Variants in CLSTN2 observed in about 807,000 individuals in gnomAD.
The protein encoded by CLSTN2 is calsyntenin 2, also known as calsyntenin-2.
A neutral mutation model predicts 101.2 loss-of-function variants in CLSTN2; 48 were observed. The observed-to-expected ratio is 0.47, with a 90% CI of 0.38 to 0.60. CLSTN2 has a LOEUF of 0.60. Among genes scored for constraint, CLSTN2 ranks in the 20% least tolerant of loss-of-function variants. The probability of loss-of-function intolerance (pLI) is 0.00; values close to 1 mark genes in which losing one functional copy is unlikely to be tolerated. For missense variants in CLSTN2, 1,160 were observed against 1,238.2 expected, an observed-to-expected ratio of 0.94 and a Z score of 0.95; for synonymous variants, 481 against 463.6, an observed-to-expected ratio of 1.04 and a Z score of -0.48.
At chr3:140,341,906 G>C (rs757211943) in intron 2 of CLSTN2, among the ~76,000 whole-genome samples, 1 of 152,158 alleles carries the variant, frequency 6.6e-6, no homozygotes, top group Non-Finnish European at 1.5e-5. Context: ...GAGTCTGACA[G>C]CAGGTGGTTA....
chr3:140,486,120 A>G (rs1416245670), intron 8 of CLSTN2, among the ~76,000 whole-genome samples: 2 of 152,078 alleles, frequency 1.3e-5, no homozygotes, highest in Non-Finnish European at 2.9e-5. Context: ...AAGAGCACCC[A>G]GAGAAAAAGA....
intron 1 of CLSTN2, among the ~76,000 whole-genome samples, chr3:140,091,212 G>A (rs1223005418): frequency 3.9e-5 from 6 of 152,196 alleles, no homozygotes; most frequent in Admixed American, 1.3e-4. Flanking sequence ...ATAAACATAA[G>A]GTGCCCAACA....
chr3:140,274,683 C>T (rs1047382558), intron 2 of CLSTN2, among the ~76,000 whole-genome samples: 1 of 152,048 alleles, frequency 6.6e-6, no homozygotes, highest in East Asian at 1.9e-4. Context: ...GTGTATCTCT[C>T]TACAAGGAGG....
intron 1 of CLSTN2, among the ~76,000 whole-genome samples, chr3:140,113,856 G>T (rs528478245): frequency 6.6e-6 from 1 of 152,272 alleles, no homozygotes; most frequent in East Asian, 1.9e-4. Context: ...TTGTGTGTGT[G>T]TATATATGTG....
At chr3:140,135,117 C>CACATATATATATAT (rs1488268767) in intron 1 of CLSTN2, among the ~76,000 whole-genome samples, 6 of 58,110 alleles carry the variant, frequency 1.0e-4, no homozygotes, top group African/African-American at 3.4e-4. Flanking sequence ...CACACACACA[C>CACATATATATATAT]ATATATATAT....
In CLSTN2 at chr3:140,195,714, G is replaced by C. The variant is rs530326908; in HGVS notation, c.232+19641G>C. Among the ~76,000 whole-genome samples the C allele has an allele frequency of 2.2e-4, 34 of 152,288 alleles. 1 individual carries two copies. The South Asian group carries it at 6.0e-3, about 27-fold the overall frequency. Reference sequence around the variant, plus strand: ...GCATCATGTAGAAAAAGAGTTTACAGATTAAACAATACTGCTGACTGTATT... The same window carrying C: ...GCATCATGTAGAAAAAGAGTTTACACATTAAACAATACTGCTGACTGTATT... On this transcript the variant is annotated intron_variant, in intron 2 of 16. Coordinates refer to ENST00000458420, the MANE Select transcript of CLSTN2 (RefSeq NM_022131.3).
At chr3:140,461,294 G>T (rs1933557301) in intron 7 of CLSTN2, 1 of 152,164 alleles carries the variant, frequency 6.6e-6, no homozygotes. Flanking sequence ...GTGGAGGTTT[G>T]GGACGCAGTT....
chr3:140,477,461 G>A (rs892641533), intron 8 of CLSTN2, among the ~76,000 whole-genome samples: 5 of 152,114 alleles, frequency 3.3e-5, no homozygotes, highest in African/African-American at 7.2e-5. Context: ...AATAGGAAAC[G>A]TTAACCAGAA....
At position 140,567,447 on chromosome 3, in the gene CLSTN2, G is replaced by A. The variant is rs1282744728; in HGVS notation, c.*1194G>A. On this transcript the variant is annotated 3_prime_UTR_variant, in exon 17 of 17. Transcript: ENST00000458420. ...CTTCTTTCTTCTGCTCATAAAAGGA[G>A]GAACACTTTAGATAGAGGGCAAATA... The A allele has an allele frequency of 6.6e-6, 1 of 152,196 alleles. No individual in the cohort carries two copies. The allele number at this position is 152,196 out of a possible 1,614,324, so 9.4% of individuals were successfully genotyped here.
chr3:140,035,051 C>T (rs903327627), intron 1 of CLSTN2, among the ~76,000 whole-genome samples: 2 of 152,154 alleles, frequency 1.3e-5, no homozygotes, highest in Non-Finnish European at 2.9e-5. Flanking sequence ...CGGGAACCTA[C>T]CTTTACCTAG....
At chr3:139,942,166 T>C (rs1258921640) in intron 1 of CLSTN2, among the ~76,000 whole-genome samples, 1 of 152,174 alleles carries the variant, frequency 6.6e-6, no homozygotes, top group Non-Finnish European at 1.5e-5. Context: ...TGCCTTGCTG[T>C]CCAAGAATAT....
intron 1 of CLSTN2, among the ~76,000 whole-genome samples, chr3:140,144,995 G>A (rs987921335): frequency 1.1e-4 from 17 of 152,120 alleles, no homozygotes; most frequent in African/African-American, 3.4e-4. Context: ...CTATCCTCAC[G>A]CCCCTGTGGG....
chr3:139,988,171 G>C (rs1036191490), intron 1 of CLSTN2, among the ~76,000 whole-genome samples: 4 of 152,194 alleles, frequency 2.6e-5, no homozygotes, highest in Admixed American at 6.5e-5. Context: ...ATAGCCTTGT[G>C]TTTCCCCTTT....
At chr3:140,474,024 T>C (rs1438836064) in intron 8 of CLSTN2, among the ~76,000 whole-genome samples, 5 of 152,152 alleles carry the variant, frequency 3.3e-5, no homozygotes, top group Admixed American at 3.3e-4. Context: ...TCCACCTGCT[T>C]CGGCCTCCCA....
rs559400499 is a variant in CLSTN2, at chr3:140,463,007, T to C, written c.1222+3238T>C. Reference sequence around the variant, plus strand: ...GAGTTTAAATGTGAACCTAGGAGCATAGGAAATAGGGTTAGGTGAACACAT... The same window carrying C: ...GAGTTTAAATGTGAACCTAGGAGCACAGGAAATAGGGTTAGGTGAACACAT... On this transcript the variant is annotated intron_variant, in intron 7 of 16. Coordinates refer to ENST00000458420, the MANE Select transcript of CLSTN2 (RefSeq NM_022131.3). Among the ~76,000 whole-genome samples, 9 of 152,292 alleles carry C rather than the reference T, an allele frequency of 5.9e-5. No individual in the cohort carries two copies. In the South Asian group the frequency reaches 1.7e-3, roughly 28 times the overall value.
chr3:140,360,832 T>C (rs78541419), intron 2 of CLSTN2, among the ~76,000 whole-genome samples: 4,214 of 152,182 alleles, frequency 0.028, 168 homozygotes, highest in African/African-American at 0.095. Context: ...CAGAATAGAC[T>C]TCAATAAGCA....
At chr3:139,966,010 G>A (rs1935592271) in intron 1 of CLSTN2, among the ~76,000 whole-genome samples, 1 of 152,208 alleles carries the variant, frequency 6.6e-6, no homozygotes, top group African/African-American at 2.4e-5. Flanking sequence ...ATGGAACACA[G>A]CCAGGTGCTA....
At chr3:140,325,065 T>C (rs1354717193) in intron 2 of CLSTN2, among the ~76,000 whole-genome samples, 2 of 152,226 alleles carry the variant, frequency 1.3e-5, no homozygotes, top group African/African-American at 2.4e-5. Flanking sequence ...TTTAAATTTT[T>C]ATTTAAATTT....
rs141411285 is a variant in CLSTN2, at chr3:140,220,856, G to A, written c.232+44783G>A. 4.5e-3 allele frequency among the ~76,000 whole-genome samples: 689 copies of A among 152,104 alleles called. 2 individuals carry two copies. The highest frequency in any genetic ancestry group is 7.0e-3 in the Non-Finnish European group (476 of 68,030). On this transcript the variant is annotated intron_variant, in intron 2 of 16. Transcript: ENST00000458420. ...AACTCATAGATGCCTCTATGTGCCC[G>A]GGACTGTGTTCCCAGTGCTTTTGCC... is the stretch of plus-strand genomic sequence containing the variant.
Sources: allele counts gnomAD v4.1 joint callset (sites outside exome capture counted in the v4.1 genomes callset), GRCh38; gene constraint gnomAD v4.1.1; transcripts MANE v1.5; gene names NCBI Gene and HGNC (gene_info 2026-07-23, HGNC 2026-07-21).